Variants in ADCY5 observed in about 807,000 individuals in gnomAD.
The protein encoded by ADCY5 is adenylate cyclase type 5.
ADCY5 carries 30 observed loss-of-function variants against 119.7 expected under a neutral mutation model. The observed-to-expected ratio is 0.25, with a 90% CI of 0.19 to 0.34. The LOEUF (loss-of-function observed/expected upper bound fraction) is 0.34, where lower values mean the gene tolerates loss of function less well. Among genes scored for constraint, ADCY5 ranks in the 10% least tolerant of loss-of-function variants. The pLI, the probability that ADCY5 is intolerant of heterozygous loss-of-function variation, is 1.00. For missense variants in ADCY5, 1,324 were observed against 1,775.2 expected, an observed-to-expected ratio of 0.75 and a Z score of 4.57; for synonymous variants, 753 against 762.2, an observed-to-expected ratio of 0.99 and a Z score of 0.20.
chr3:123,345,014 C>G (rs565219195), intron 3 of ADCY5, among the ~76,000 whole-genome samples: 1 of 152,332 alleles, frequency 6.6e-6, no homozygotes, highest in Non-Finnish European at 1.5e-5. Flanking sequence ...GAGAGAAATA[C>G]CCCCACTGTG....
Position 123,448,608 on chromosome 3 carries a change from G to A in ADCY5, c.-63C>T. On this transcript the variant is annotated 5_prime_UTR_variant, in exon 1 of 21. Coordinates refer to ENST00000462833, the MANE Select transcript of ADCY5 (RefSeq NM_183357.3). ...GGAAGCCGGGCCGGGGGTCTCCAAG[G>A]GGAGGGCGGACGGCCGAGCAGGGGG... is the stretch of plus-strand genomic sequence containing the variant. 7.9e-7 allele frequency: 1 copy of A among 1,258,434 alleles called. No individual in the cohort carries two copies. Among genetic ancestry groups the A allele is most frequent in the Non-Finnish European group, 1.0e-6 (1 of 1,002,610 alleles). The allele number at this position is 1,258,434 out of a possible 1,614,324, so 78.0% of individuals were successfully genotyped here.
intron 1 of ADCY5, chr3:123,367,905 C>T (rs1364252212): frequency 2.6e-6 from 4 of 1,535,696 alleles, no homozygotes; most frequent in East Asian, 2.4e-5. Context: ...CTTACCTTAC[C>T]TCCAACTGAG....
At chr3:123,328,183 C>G (rs1398134370) in intron 6 of ADCY5, among the ~76,000 whole-genome samples, 1 of 152,242 alleles carries the variant, frequency 6.6e-6, no homozygotes, top group African/African-American at 2.4e-5. Context: ...ATCGGCTCTT[C>G]TCCCATTCCT....
At chr3:123,351,244 G>T (rs890183580) in intron 2 of ADCY5, among the ~76,000 whole-genome samples, 7 of 152,092 alleles carry the variant, frequency 4.6e-5, no homozygotes, top group African/African-American at 1.7e-4. Flanking sequence ...CTGTCTGGAT[G>T]TCACCAGCCA....
At chr3:123,300,411 T>C (rs1939780047) in intron 14 of ADCY5, 116 bp from the exon 15 acceptor site, 1 of 1,199,842 alleles carries the variant, frequency 8.3e-7, no homozygotes, top group East Asian at 2.6e-5. Context: ...GGCATGTTTC[T>C]GCTGATGTAA....
At chr3:123,419,146 G>A in intron 1 of ADCY5, 1 of 985,214 alleles carries the variant, frequency 1.0e-6, no homozygotes, top group Non-Finnish European at 1.2e-6. Flanking sequence ...TGATAGTGCA[G>A]CCGGTGCCCG....
At chr3:123,412,323 A>T (rs2107625526) in intron 1 of ADCY5, among the ~76,000 whole-genome samples, 1 of 152,286 alleles carries the variant, frequency 6.6e-6, no homozygotes, top group East Asian at 1.9e-4. Flanking sequence ...GTGGTGGGAG[A>T]AGTAAGAACA....
chr3:123,284,778 C>T (rs1384426766), intron 20 of ADCY5, 42 bp from the exon 21 acceptor site: 2 of 1,613,140 alleles, frequency 1.2e-6, no homozygotes, highest in East Asian at 2.2e-5. Context: ...CACTGATGGC[C>T]TTGGCCATGA....
At chr3:123,316,716 G>C (rs1940928497) in intron 11 of ADCY5, among the ~76,000 whole-genome samples, 1 of 152,190 alleles carries the variant, frequency 6.6e-6, no homozygotes, top group African/African-American at 2.4e-5. Flanking sequence ...CATTTTGGGG[G>C]ACAGTTTGGG....
chr3:123,351,066 C>A (rs1349604681), intron 2 of ADCY5, among the ~76,000 whole-genome samples: 1 of 152,130 alleles, frequency 6.6e-6, no homozygotes. Flanking sequence ...GGACCAGAAG[C>A]TCAGACAGGG....
At chr3:123,300,941 G>C (rs976248068) in intron 14 of ADCY5, among the ~76,000 whole-genome samples, 2 of 152,130 alleles carry the variant, frequency 1.3e-5, no homozygotes, top group African/African-American at 4.8e-5. Context: ...GGGGGTGGGA[G>C]GCAACCTTTT....
chr3:123,329,681 C>T (rs1294108327), intron 5 of ADCY5, among the ~76,000 whole-genome samples: 1 of 152,170 alleles, frequency 6.6e-6, no homozygotes, highest in African/African-American at 2.4e-5. Context: ...AGCCAGGGGA[C>T]CAGCAGTCTG....
chr3:123,307,830 G>GTA (rs1243987638), intron 12 of ADCY5, among the ~76,000 whole-genome samples: 4 of 152,030 alleles, frequency 2.6e-5, no homozygotes, highest in Non-Finnish European at 5.9e-5. Flanking sequence ...GGGGAATAGA[G>GTA]TATGCACATT....
intron 20 of ADCY5, among the ~76,000 whole-genome samples, chr3:123,285,955 C>A (rs994303660): frequency 6.6e-6 from 1 of 152,186 alleles, no homozygotes; most frequent in Non-Finnish European, 1.5e-5. Flanking sequence ...GCAGTATCAT[C>A]AGTGTTGGCA....
At chr3:123,367,595 G>C (rs1184216089) in intron 1 of ADCY5, among the ~76,000 whole-genome samples, 1 of 152,150 alleles carries the variant, frequency 6.6e-6, no homozygotes, top group Non-Finnish European at 1.5e-5. Context: ...TGTTTCCTGT[G>C]AGTAGTGGTG....
chr3:123,379,141 T>C (rs16834218), intron 1 of ADCY5, among the ~76,000 whole-genome samples: 72,013 of 151,922 alleles, frequency 0.47, 17,834 homozygotes, highest in East Asian at 0.68. Flanking sequence ...ACCAGGGCAG[T>C]GGATGTGAAT....
intron 1 of ADCY5, among the ~76,000 whole-genome samples, chr3:123,402,169 G>A (rs1944775038): frequency 6.6e-6 from 1 of 152,216 alleles, no homozygotes; most frequent in African/African-American, 2.4e-5. Flanking sequence ...GAACACAAGA[G>A]GCTTAGGGAG....
In ADCY5 at chr3:123,341,998, C is replaced by T. The variant is rs957201831; in HGVS notation, c.1406+5784G>A. Among the ~76,000 whole-genome samples the T allele has an allele frequency of 7.2e-5, 11 of 152,106 alleles. 1 individual carries two copies. Among genetic ancestry groups the T allele is most frequent in the Admixed American group, 4.6e-4 (7 of 15,272 alleles). On this transcript the variant is annotated intron_variant, in intron 3 of 20. Transcript: ENST00000462833. ...GAGTAGCAGCAGCAAGATCTTGGCT[C>T]GCTGTAACCTCAGGCTCCTGGGCCC... is the stretch of plus-strand genomic sequence containing the variant.
At chr3:123,319,940 A>C in intron 9 of ADCY5, 122 bp from the exon 10 acceptor site, 1 of 1,365,448 alleles carries the variant, frequency 7.3e-7, no homozygotes, top group Admixed American at 2.2e-5. Context: ...CCATCAGCCC[A>C]ATCAGGGCAG....
Sources: gnomAD v4.1 joint callset for allele counts (sites outside exome capture counted in the v4.1 genomes callset) on GRCh38, gnomAD v4.1.1 for gene constraint, MANE v1.5 for transcripts, NCBI Gene and HGNC (gene_info 2026-07-23, HGNC 2026-07-21) for gene names.